Variants in SORCS2 observed in about 807,000 individuals in gnomAD.
SORCS2 encodes the protein sortilin related VPS10 domain containing receptor 2.
SORCS2 carries 100 observed loss-of-function variants against 141.6 expected under a neutral mutation model. The ratio of observed to expected loss-of-function variants is 0.71; its 90% CI spans 0.60 to 0.83. The LOEUF is 0.83. Among genes scored for constraint, SORCS2 ranks in the 40% least tolerant of loss-of-function variants. The pLI, the probability that SORCS2 is intolerant of heterozygous loss-of-function variation, is 0.00. For synonymous variants in SORCS2, 789 were observed against 676.9 expected, an observed-to-expected ratio of 1.17 and a Z score of -2.57; for missense variants, 1,646 against 1,560.2, an observed-to-expected ratio of 1.05 and a Z score of -0.93.
chr4:7,507,177 A>ATTATTTATTTATTTAT (rs59015576), intron 2 of SORCS2, among the ~76,000 whole-genome samples: 1,843 of 150,798 alleles, frequency 0.012, 45 homozygotes, highest in African/African-American at 0.043. Context: ...CTTTTTTATT[A>ATTATTTATTTATTTAT]TTATTTATTT....
chr4:7,697,268 G>A lies in SORCS2; in HGVS notation c.1662G>A (p.Trp554Ter). 1 of 1,586,146 alleles carries A rather than the reference G, an allele frequency of 6.3e-7. No individual in the cohort carries two copies. The highest frequency in any genetic ancestry group is 1.2e-5 in the South Asian group (1 of 86,346). Reference sequence around the variant, plus strand: ...TCACGTCAGACTGTGGTCACACCTGGCGGCAGGTAAGCTGGCTGGGAGGTG... The same window carrying A: ...TCACGTCAGACTGTGGTCACACCTGACGGCAGGTAAGCTGGCTGGGAGGTG... ...MYITSDCGHT[W>*]RQVFEEEHHI... The change falls in exon 12 of 27, where the codon TGG becomes TGA. Residue 554 changes from tryptophan (W) to a stop codon, truncating the protein, a stop_gained. Coordinates refer to ENST00000507866, the MANE Select transcript of SORCS2 (RefSeq NM_020777.3). LOFTEE classifies it high-confidence loss of function.
intron 2 of SORCS2, among the ~76,000 whole-genome samples, chr4:7,413,056 A>G (rs1348052835): frequency 1.3e-5 from 2 of 151,998 alleles, no homozygotes; most frequent in Non-Finnish European, 2.9e-5. Flanking sequence ...AAACCAAGGT[A>G]CTGGGTAGTG....
At chr4:7,240,235 G>A (rs1187865392) in intron 1 of SORCS2, among the ~76,000 whole-genome samples, 1 of 152,170 alleles carries the variant, frequency 6.6e-6, no homozygotes, top group East Asian at 1.9e-4. Context: ...AGGTACCTGC[G>A]GGTGTTGCTT....
chr4:7,546,370 A>G (rs557537407), intron 3 of SORCS2, among the ~76,000 whole-genome samples: 5 of 152,200 alleles, frequency 3.3e-5, no homozygotes, highest in African/African-American at 1.2e-4. Context: ...CAGCCTGCCC[A>G]GAGGGAGGCC....
Position 7,303,303 on chromosome 4 carries a change from C to T in SORCS2, c.481-92985C>T, listed in dbSNP as rs554216387. ...GGCAACTTTTTAATTGTGTCAGGAA[C>T]TCAGCTTTCAAGGAGTTATTAATGG... On this transcript the variant is annotated intron_variant, in intron 1 of 26. Coordinates refer to ENST00000507866, the MANE Select transcript of SORCS2 (RefSeq NM_020777.3). Among the ~76,000 whole-genome samples the T allele has an allele frequency of 2.0e-5, 3 of 152,328 alleles. No individual in the cohort carries two copies. In the South Asian group the frequency reaches 6.2e-4, roughly 32 times the overall value.
At chr4:7,585,648 CTG>C in intron 3 of SORCS2, among the ~76,000 whole-genome samples, 1 of 152,344 alleles carries the variant, frequency 6.6e-6, no homozygotes, top group South Asian at 2.1e-4. Context: ...CATGAACTAA[CTG>C]TACCATTTTC....
chr4:7,318,923 A>T (rs895093044), intron 1 of SORCS2, among the ~76,000 whole-genome samples: 6 of 152,212 alleles, frequency 3.9e-5, no homozygotes, highest in Admixed American at 3.9e-4. Flanking sequence ...ACAACTACCG[A>T]TCTGGTTTTG....
chr4:7,460,439 CA>C (rs1413764395), intron 2 of SORCS2, among the ~76,000 whole-genome samples: 3 of 152,232 alleles, frequency 2.0e-5, no homozygotes, highest in Non-Finnish European at 4.4e-5. Flanking sequence ...GCTCGGTGGT[CA>C]AAAGGCAGCC....
intron 3 of SORCS2, among the ~76,000 whole-genome samples, chr4:7,588,545 A>C (rs1177355732): frequency 1.3e-5 from 2 of 152,172 alleles, no homozygotes; most frequent in Non-Finnish European, 2.9e-5. Flanking sequence ...TTGGAGGATC[A>C]AGTTCCCTCT....
chr4:7,661,317 C>T (rs560808819), intron 5 of SORCS2, among the ~76,000 whole-genome samples, 183 bp from the exon 6 acceptor site: 3 of 131,592 alleles, frequency 2.3e-5, no homozygotes, highest in South Asian at 2.6e-4. Flanking sequence ...TCAAGGAAAA[C>T]GCAGAGACTC....
chr4:7,365,361 A>C (rs1201226776), intron 1 of SORCS2, among the ~76,000 whole-genome samples: 1 of 151,866 alleles, frequency 6.6e-6, no homozygotes, highest in Non-Finnish European at 1.5e-5. Flanking sequence ...GTGGGTGGGG[A>C]AGGGGTGTGT....
rs1379531032 is a variant in SORCS2 at position 7,192,654 on chromosome 4, A to C, written c.8A>C (p.His3Pro). Residue 3 changes from histidine (H) to proline (P), a missense_variant, in exon 1 of 27, where the codon CAC becomes CCC. By Grantham distance (77) the His-to-Pro change is moderately conservative. Transcript: ENST00000507866. The surrounding 1 kb of genome is among the most constrained non-coding windows in gnomAD (Gnocchi z 4.0). MAHRGPSRASKGP... is the reference protein window; with the variant it reads MAPRGPSRASKGP... Reference sequence around the variant, plus strand: ...CTGCCGCCCCTGGCGACCATGGCGCACCGGGGGCCCTCGCGCGCCTCGAAG... The same window carrying C: ...CTGCCGCCCCTGGCGACCATGGCGCCCCGGGGGCCCTCGCGCGCCTCGAAG... The C allele has an allele frequency of 8.1e-6, 8 of 986,872 alleles. No homozygotes were observed. Among genetic ancestry groups the C allele is most frequent in the Admixed American group, 6.2e-5 (1 of 16,026 alleles). 61.1% of individuals were successfully genotyped at this position (986,872 alleles called of 1,614,324 possible). A position where few individuals can be genotyped will look rare whatever the true frequency, so the allele number is the denominator to read the frequency against.
intron 1 of SORCS2, among the ~76,000 whole-genome samples, chr4:7,243,758 C>T (rs752085793): frequency 2.6e-5 from 4 of 152,256 alleles, no homozygotes; most frequent in Non-Finnish European, 5.9e-5. Flanking sequence ...GGGATCCCCC[C>T]CCACAAACCC....
intron 9 of SORCS2, among the ~76,000 whole-genome samples, chr4:7,677,889 G>C (rs1180451091): frequency 2.0e-5 from 3 of 152,274 alleles, no homozygotes; most frequent in African/African-American, 7.2e-5. Flanking sequence ...CCTGCCCTCT[G>C]AGCCTCTAGG....
At chr4:7,550,702 G>A (rs1050373262) in intron 3 of SORCS2, among the ~76,000 whole-genome samples, 23 of 152,176 alleles carry the variant, frequency 1.5e-4, no homozygotes, top group African/African-American at 5.1e-4. Flanking sequence ...CAGGAAACTT[G>A]ATGGACTCTT....
intron 14 of SORCS2, among the ~76,000 whole-genome samples, chr4:7,712,447 C>T (rs1487419819): frequency 1.3e-5 from 2 of 152,184 alleles, no homozygotes; most frequent in East Asian, 1.9e-4. Flanking sequence ...GTCCATCAAG[C>T]GGGGCCACTG....
intron 3 of SORCS2, among the ~76,000 whole-genome samples, chr4:7,576,294 G>A (rs1040615687): frequency 6.6e-6 from 1 of 152,202 alleles, no homozygotes; most frequent in African/African-American, 2.4e-5. Context: ...AGTCAGTAGG[G>A]ATCTACTAAT....
chr4:7,369,149 A>G (rs745584850), intron 1 of SORCS2, among the ~76,000 whole-genome samples: 1 of 152,104 alleles, frequency 6.6e-6, no homozygotes, highest in South Asian at 2.1e-4. Context: ...TCCACTAAAA[A>G]ATACAAAAAA....
chr4:7,207,066 T>A (rs1532663), intron 1 of SORCS2, among the ~76,000 whole-genome samples: 1 of 151,846 alleles, frequency 6.6e-6, no homozygotes. Flanking sequence ...ACTGCTAACG[T>A]GCTCATCCAT....
Sources: allele counts gnomAD v4.1 joint callset (sites outside exome capture counted in the v4.1 genomes callset), GRCh38; gene constraint gnomAD v4.1.1; non-coding constraint Gnocchi (gnomAD v3.1); transcripts MANE v1.5; gene names NCBI Gene and HGNC (gene_info 2026-07-23, HGNC 2026-07-21).